FAM184B: variants seen among roughly 807,000 people sequenced by gnomAD.
The protein encoded by FAM184B is family with sequence similarity 184 member B, also known as protein FAM184B.
In FAM184B, 111 loss-of-function variants were observed where a neutral mutation model predicts 135.9. The observed-to-expected ratio is 0.82, with a 90% CI of 0.70 to 0.96. FAM184B has a LOEUF of 0.96. FAM184B is among the 40% of genes least tolerant of loss of function. FAM184B has a pLI of 0.00. For synonymous variants in FAM184B, 552 were observed against 524.8 expected, an observed-to-expected ratio of 1.05 and a Z score of -0.71; for missense variants, 1,375 against 1,323.9, an observed-to-expected ratio of 1.04 and a Z score of -0.60.
chr4:17,669,475 T>A (rs1577254344), intron 7 of FAM184B, among the ~76,000 whole-genome samples: 1 of 152,336 alleles, frequency 6.6e-6, no homozygotes, highest in South Asian at 2.1e-4. Context: ...AAATGATGTA[T>A]GATTAATTAG....
At chr4:17,731,819 T>G (rs1717783441) in intron 1 of FAM184B, among the ~76,000 whole-genome samples, 1 of 152,134 alleles carries the variant, frequency 6.6e-6, no homozygotes, top group Non-Finnish European at 1.5e-5. Context: ...TGAACTCAGC[T>G]CTGCAGCAAG....
At chr4:17,746,797 G>A (rs1015432911) in intron 1 of FAM184B, among the ~76,000 whole-genome samples, 18 of 151,714 alleles carry the variant, frequency 1.2e-4, no homozygotes, top group Admixed American at 1.1e-3. Context: ...CAGCACTTTG[G>A]GAGGCTGAGG....
rs78628089 is a variant in FAM184B at position 17,718,227 on chromosome 4, A to T, written c.142-8583T>A. On this transcript the variant is annotated intron_variant, in intron 1 of 17. Transcript: ENST00000265018. ...GCTCTTAAAAAATTCATTAGTTATGATTTTTACTATTATCGGTATTACTGC... is the reference window on the plus strand; with the variant it reads ...GCTCTTAAAAAATTCATTAGTTATGTTTTTTACTATTATCGGTATTACTGC... Among the ~76,000 whole-genome samples, 4 of 152,286 alleles carry T rather than the reference A, an allele frequency of 2.6e-5. No homozygotes were observed. The East Asian group carries it at 5.8e-4, about 22-fold the overall frequency.
intron 14 of FAM184B, among the ~76,000 whole-genome samples, chr4:17,638,176 A>AT (rs373966631): frequency 1.8e-4 from 7 of 38,258 alleles, no homozygotes; most frequent in East Asian, 6.1e-4. Context: ...GACAGGGTCT[A>AT]TTTTTTTTGT....
intron 14 of FAM184B, among the ~76,000 whole-genome samples, chr4:17,637,977 C>T (rs764568829): frequency 2.6e-4 from 13 of 50,564 alleles, no homozygotes; most frequent in Non-Finnish European, 5.0e-4. Flanking sequence ...AGCTCCTCTC[C>T]TCCCACTCAC....
intron 5 of FAM184B, among the ~76,000 whole-genome samples, chr4:17,696,569 T>C (rs1021446647): frequency 2.0e-5 from 3 of 152,138 alleles, no homozygotes; most frequent in Non-Finnish European, 2.9e-5. Context: ...CCCAACACTT[T>C]GGGAGAATGA....
rs535409887 is a variant in FAM184B, at chr4:17,656,386, ATTTCC to A, written c.2037+1959_2037+1963del. Reference sequence around the variant, plus strand: ...AAGTGCCCGGCAGTCCATGTGCATTATTTCCTTTCTTCTTTCTTTTTTTGCTTTGT... The same window carrying A: ...AAGTGCCCGGCAGTCCATGTGCATTATTTCTTCTTTCTTTTTTTGCTTTGT... On this transcript the variant is annotated intron_variant, in intron 10 of 17. Coordinates refer to ENST00000265018, the MANE Select transcript of FAM184B (RefSeq NM_015688.2). Among the ~76,000 whole-genome samples the A allele has an allele frequency of 2.6e-3, 398 of 151,814 alleles. 2 individuals are homozygous for A. The highest frequency in any genetic ancestry group is 9.0e-3 in the African/African-American group (370 of 41,184).
At position 17,633,814 on chromosome 4, in the gene FAM184B, C is replaced by T. The variant is rs975520151; in HGVS notation, c.2964G>A (p.Leu988=). The change falls in exon 17 of 18, where the codon CTG becomes CTA. Residue 988 remains leucine, a synonymous_variant. Coordinates refer to ENST00000265018, the MANE Select transcript of FAM184B (RefSeq NM_015688.2). ...PNLASYAKNF[L]SGDLSSRINA... ...TAATCCTGGAACTCAGATCGCCACT[C>T]AGAAAGTTCTTTGCATAGGAGGCGA... is the stretch of plus-strand genomic sequence containing the variant. The T allele has an allele frequency of 3.2e-6, 5 of 1,551,442 alleles. No homozygotes were observed. Among genetic ancestry groups the T allele is most frequent in the East Asian group, 2.4e-5 (1 of 40,932 alleles).
chr4:17,650,158 A>C (rs1299447749), intron 11 of FAM184B, among the ~76,000 whole-genome samples: 1 of 149,694 alleles, frequency 6.7e-6, no homozygotes, highest in Non-Finnish European at 1.5e-5. Context: ...CCAACTACCC[A>C]TCCACCCACA....
In FAM184B at chr4:17,652,963, C is replaced by T; in HGVS notation, c.2058G>A (p.Lys686=). ...QELKATEERL[K]KESSHSLQIQ... is the part of the protein sequence containing the mutation. Reference sequence around the variant, plus strand: ...TCTGGAGGCTGTGGCTGGATTCCTTCTTCAAGCGTTCCTCTGTGGCCTGTG... The same window carrying T: ...TCTGGAGGCTGTGGCTGGATTCCTTTTTCAAGCGTTCCTCTGTGGCCTGTG... The change falls in exon 11 of 18, where the codon AAG becomes AAA. Residue 686 remains lysine (K), a synonymous_variant. Transcript: ENST00000265018. 1 of 1,551,716 alleles carries T rather than the reference C, an allele frequency of 6.4e-7. No individual in the cohort carries two copies. Among genetic ancestry groups the T allele is most frequent in the Non-Finnish European group, 8.7e-7 (1 of 1,146,990 alleles).
In FAM184B at chr4:17,688,599, C is replaced by T. The variant is rs541496716; in HGVS notation, c.1489-68G>A. On this transcript the variant is annotated intron_variant, in intron 6 of 17. Coordinates refer to ENST00000265018, the MANE Select transcript of FAM184B (RefSeq NM_015688.2). ...CTACCTCCTCGATACAGTCATTCAT[C>T]CGGGAATCAATTCTCCTGGGTCAGT... 1.1e-4 allele frequency: 132 copies of T among 1,202,426 alleles called. 3 individuals carry two copies. In the South Asian group the frequency reaches 1.8e-3, roughly 16 times the overall value. 74.5% of individuals were successfully genotyped at this position (1,202,426 alleles called of 1,614,324 possible).
At chr4:17,711,265 G>C (rs953314143) in intron 1 of FAM184B, among the ~76,000 whole-genome samples, 3 of 151,958 alleles carry the variant, frequency 2.0e-5, no homozygotes, top group Non-Finnish European at 2.9e-5. Flanking sequence ...CGGATCACAT[G>C]GTCAGGAGTT....
At chr4:17,765,875 G>A (rs1718665398) in intron 1 of FAM184B, among the ~76,000 whole-genome samples, 3 of 152,172 alleles carry the variant, frequency 2.0e-5, no homozygotes, top group Middle Eastern at 3.4e-3. Flanking sequence ...GGGTCTCCCT[G>A]GTTTCAGAAG....
chr4:17,656,681 C>A (rs771727275), intron 10 of FAM184B, among the ~76,000 whole-genome samples: 1 of 152,134 alleles, frequency 6.6e-6, no homozygotes, highest in Admixed American at 6.5e-5. Context: ...GCATTACAGG[C>A]GTGAGCCACA....
intron 1 of FAM184B, among the ~76,000 whole-genome samples, chr4:17,716,600 C>G (rs1717405150): frequency 6.6e-6 from 1 of 152,136 alleles, no homozygotes; most frequent in South Asian, 2.1e-4. Context: ...CTCGCCTCAG[C>G]CTCCAAGAGT....
chr4:17,747,104 C>G (rs1343555761), intron 1 of FAM184B, among the ~76,000 whole-genome samples: 1 of 150,590 alleles, frequency 6.6e-6, no homozygotes, highest in Non-Finnish European at 1.5e-5. Flanking sequence ...TTCTTAAGTT[C>G]TACACAAATT....
In FAM184B at chr4:17,684,255, T is replaced by C. The variant is rs544276874; in HGVS notation, c.1596+4169A>G. Among the ~76,000 whole-genome samples the C allele has an allele frequency of 3.9e-4, 58 of 149,292 alleles. 1 individual carries two copies. The South Asian group carries it at 8.8e-3, about 23-fold the overall frequency. ...ATTATTATTATTCATGAGAGTATCC[T>C]ATCATTTATAGAAAAAACTCCATAA... On this transcript the variant is annotated intron_variant, in intron 7 of 17. Transcript: ENST00000265018.
At chr4:17,710,342 A>T (rs972956231) in intron 1 of FAM184B, among the ~76,000 whole-genome samples, 4 of 151,780 alleles carry the variant, frequency 2.6e-5, no homozygotes, top group African/African-American at 9.7e-5. Context: ...AAACAAACAA[A>T]CAAAGAAACA....
At chr4:17,728,676 T>C (rs189590199) in intron 1 of FAM184B, among the ~76,000 whole-genome samples, 1 of 152,282 alleles carries the variant, frequency 6.6e-6, no homozygotes, top group Non-Finnish European at 1.5e-5. Context: ...CAAATGCTGG[T>C]GTCAGACTCA....
Sources: gnomAD v4.1 joint callset for allele counts (sites outside exome capture counted in the v4.1 genomes callset) on GRCh38, gnomAD v4.1.1 for gene constraint, MANE v1.5 for transcripts, NCBI Gene and HGNC (gene_info 2026-07-23, HGNC 2026-07-21) for gene names.